AASDH: variants seen among roughly 807,000 people sequenced by gnomAD.
AASDH encodes aminoadipate-semialdehyde dehydrogenase.
AASDH carries 81 observed loss-of-function variants against 102.3 expected under a neutral mutation model. The observed-to-expected ratio is 0.79, with a 90% CI of 0.66 to 0.95. AASDH has a LOEUF of 0.95. Among genes scored for constraint, AASDH ranks in the 40% least tolerant of loss-of-function variants. The pLI, the probability that AASDH is intolerant of heterozygous loss-of-function variation, is 0.00. For missense variants in AASDH, 1,203 were observed against 1,266.2 expected, an observed-to-expected ratio of 0.95 and a Z score of 0.76; for synonymous variants, 398 against 454.0, an observed-to-expected ratio of 0.88 and a Z score of 1.57.
chr4:56,360,147 G>C (rs1750127425), intron 5 of AASDH, among the ~76,000 whole-genome samples: 1 of 152,168 alleles, frequency 6.6e-6, no homozygotes, highest in Non-Finnish European at 1.5e-5. Context: ...TCATTTTCAA[G>C]CCTGATCCAT....
chr4:56,382,841 G>A lies in AASDH; in HGVS notation c.231-244C>T, dbSNP rs150478353. 1.9e-3 allele frequency among the ~76,000 whole-genome samples: 289 copies of A among 152,270 alleles called. 1 individual carries two copies. Among genetic ancestry groups the A allele is most frequent in the Non-Finnish European group, 3.6e-3 (245 of 68,024 alleles). ...TCCCAGCACTTTGGGAGGTTGAGGC[G>A]AGCGAATCACCTGAGGTCGGGAGTT... On this transcript the variant is annotated intron_variant, in intron 2 of 14. Coordinates refer to ENST00000205214, the MANE Select transcript of AASDH (RefSeq NM_181806.4).
intron 2 of AASDH, among the ~76,000 whole-genome samples, chr4:56,383,724 T>C (rs921573023): frequency 6.6e-6 from 1 of 152,188 alleles, no homozygotes; most frequent in African/African-American, 2.4e-5. Flanking sequence ...ACAAAAAACA[T>C]AGTCATGTTA....
Position 56,343,706 on chromosome 4 carries a change from A to T in AASDH, c.2653-22T>A, listed in dbSNP as rs995286797. The T allele has an allele frequency of 1.9e-6, 3 of 1,595,872 alleles. No homozygotes were observed. In the East Asian group the frequency reaches 6.8e-5, roughly 36 times the overall value. On this transcript the variant is annotated intron_variant, in intron 12 of 14. Transcript: ENST00000205214. ...TTCTCTGCAAATAAGAAAACAAATT[A>T]ATTTGTTCTTGTTGATGGTTAACAA...
chr4:56,373,414 A>AT (rs1167572802), intron 4 of AASDH, among the ~76,000 whole-genome samples: 1 of 152,096 alleles, frequency 6.6e-6, no homozygotes, highest in African/African-American at 2.4e-5. Context: ...AAGTGCTGGG[A>AT]TTACAGGTGT....
chr4:56,385,180 C>A (rs1449912291), intron 1 of AASDH, among the ~76,000 whole-genome samples: 2 of 152,204 alleles, frequency 1.3e-5, no homozygotes, highest in Admixed American at 6.5e-5. Flanking sequence ...CAAAATCAAT[C>A]TTTGACAGAA....
chr4:56,338,573 A>AGAT lies in AASDH; in HGVS notation c.3123_3125dup (p.Ser1042dup), dbSNP rs776662022. The AGAT allele has an allele frequency of 1.4e-5, 23 of 1,614,230 alleles. No individual in the cohort carries two copies. Among genetic ancestry groups the AGAT allele is most frequent in the South Asian group, 4.4e-5 (4 of 91,078 alleles). ...CCAAGATCCACACTTTCCCATCAGTAGATGCTGCTGCCAGCAACATTTCAT... is the reference window on the plus strand; with the variant it reads ...CCAAGATCCACACTTTCCCATCAGTAGATGATGCTGCTGCCAGCAACATTTCAT... On this transcript the variant is annotated inframe_insertion, in exon 15 of 15. Coordinates refer to ENST00000205214, the MANE Select transcript of AASDH (RefSeq NM_181806.4).
chr4:56,355,748 A>C (rs1413523125), intron 5 of AASDH, among the ~76,000 whole-genome samples: 1 of 151,872 alleles, frequency 6.6e-6, no homozygotes, highest in Non-Finnish European at 1.5e-5. Flanking sequence ...CCTCCTGAAC[A>C]GCTTGGGACT....
chr4:56,348,981 T>G, intron 11 of AASDH: 1 of 459,598 alleles, frequency 2.2e-6, no homozygotes, highest in Non-Finnish European at 3.8e-6. Context: ...CAGCAACACA[T>G]TTTATTATTA....
intron 5 of AASDH, among the ~76,000 whole-genome samples, chr4:56,370,982 T>C (rs895422766): frequency 2.0e-5 from 3 of 152,266 alleles, no homozygotes; most frequent in Non-Finnish European, 4.4e-5. Context: ...ACCAGTCAGA[T>C]ACACATTTAA....
chr4:56,350,084 T>C (rs757562001), intron 10 of AASDH, 26 bp from the exon 11 acceptor site: 5 of 1,529,022 alleles, frequency 3.3e-6, no homozygotes, highest in South Asian at 2.5e-5. Context: ...TAGAGAAATA[T>C]GTGACGTAAA....
rs1050414113 is a variant in AASDH at position 56,378,277 on chromosome 4, G to T, written c.539C>A (p.Ala180Glu). ...TAGCCTCAGATCCATGTGTTCTTCTGCTTTTTCTTCATTGACATGCTCAGA... is the reference window on the plus strand; with the variant it reads ...TAGCCTCAGATCCATGTGTTCTTCTTCTTTTTCTTCATTGACATGCTCAGA... ...ISSEHVNEEK[A>E]EEHMDLRLKH... The change falls in exon 4 of 15, where the codon GCA becomes GAA. Residue 180 changes from alanine (A) to glutamate (E), a missense_variant. By Grantham distance (107) the Ala-to-Glu change is moderately radical. Transcript: ENST00000205214. 2.5e-6 allele frequency: 4 copies of T among 1,613,934 alleles called. No individual in the cohort carries two copies. Among genetic ancestry groups the T allele is most frequent in the Non-Finnish European group, 3.4e-6 (4 of 1,180,028 alleles).
intron 14 of AASDH, among the ~76,000 whole-genome samples, chr4:56,342,134 A>G (rs1180270915): frequency 6.8e-6 from 1 of 146,680 alleles, no homozygotes; most frequent in African/African-American, 2.5e-5. Flanking sequence ...AAAAAAAAAA[A>G]GAAGTTGGGG....
At chr4:56,341,037 A>C (rs1000383557) in intron 14 of AASDH, among the ~76,000 whole-genome samples, 4 of 152,224 alleles carry the variant, frequency 2.6e-5, no homozygotes, top group Non-Finnish European at 5.9e-5. Flanking sequence ...GATGTGGAGA[A>C]AAAGGAACTT....
chr4:56,373,435 G>T (rs568358204), intron 4 of AASDH, among the ~76,000 whole-genome samples: 1 of 152,090 alleles, frequency 6.6e-6, no homozygotes, highest in Non-Finnish European at 1.5e-5. Flanking sequence ...GAGCCACCGC[G>T]CCTGGCCTCT....
intron 3 of AASDH, among the ~76,000 whole-genome samples, chr4:56,379,417 C>T (rs558852341): frequency 1.3e-5 from 2 of 152,248 alleles, no homozygotes; most frequent in African/African-American, 4.8e-5. Flanking sequence ...TAGGCGTGGG[C>T]CCCAAATATT....
chr4:56,366,875 A>G (rs1200868886), intron 5 of AASDH, among the ~76,000 whole-genome samples: 1 of 151,052 alleles, frequency 6.6e-6, no homozygotes, highest in Non-Finnish European at 1.5e-5. Context: ...GGCCAGGGCA[A>G]TTAGGCAGGA....
chr4:56,360,048 T>C (rs776120522), intron 5 of AASDH, among the ~76,000 whole-genome samples: 5 of 152,192 alleles, frequency 3.3e-5, no homozygotes, highest in Non-Finnish European at 7.4e-5. Context: ...GCTTATAAAA[T>C]ATTTATAAAG....
At chr4:56,345,945 A>G (rs990516977) in intron 11 of AASDH, among the ~76,000 whole-genome samples, 1 of 152,250 alleles carries the variant, frequency 6.6e-6, no homozygotes, top group African/African-American at 2.4e-5. Flanking sequence ...GAAAAATTAC[A>G]CAGCTCATAT....
At position 56,345,372 on chromosome 4, in the gene AASDH, A is replaced by C. The variant is rs1389527629; in HGVS notation, c.2489-82T>G. The C allele has an allele frequency of 4.5e-6, 6 of 1,328,980 alleles. No individual in the cohort carries two copies. The East Asian group carries it at 1.5e-4, about 33-fold the overall frequency. The allele number at this position is 1,328,980 out of a possible 1,614,324, so 82.3% of individuals were successfully genotyped here. ...CTTTAGCCTACAGCATGCAATTTATATTCAGTCCTCCTCTTATACATAGGC... is the reference window on the plus strand; with the variant it reads ...CTTTAGCCTACAGCATGCAATTTATCTTCAGTCCTCCTCTTATACATAGGC... On this transcript the variant is annotated intron_variant, in intron 11 of 14. Transcript: ENST00000205214.
Sources: allele counts gnomAD v4.1 joint callset (sites outside exome capture counted in the v4.1 genomes callset), GRCh38; gene constraint gnomAD v4.1.1; transcripts MANE v1.5; gene names NCBI Gene and HGNC (gene_info 2026-07-23, HGNC 2026-07-21).